CORIN: variants seen among roughly 807,000 people sequenced by gnomAD.
CORIN encodes corin, serine peptidase.
Under a neutral mutation model 125.3 loss-of-function variants are expected in CORIN, and 117 were observed. The observed-to-expected ratio is 0.93, with a 90% CI of 0.80 to 1.09. The LOEUF is 1.09. CORIN is among the 50% of genes least tolerant of loss of function. CORIN has a pLI of 0.00. For synonymous variants in CORIN, 450 were observed against 466.4 expected, an observed-to-expected ratio of 0.96 and a Z score of 0.45; for missense variants, 1,253 against 1,306.7, an observed-to-expected ratio of 0.96 and a Z score of 0.63.
At chr4:47,617,696 G>A (rs1008184543) in intron 19 of CORIN, among the ~76,000 whole-genome samples, 2 of 152,192 alleles carry the variant, frequency 1.3e-5, no homozygotes, top group Non-Finnish European at 2.9e-5. Flanking sequence ...CAAATCCTTA[G>A]AGTAGATGGA....
chr4:47,809,148 T>G (rs1219896701), intron 1 of CORIN, among the ~76,000 whole-genome samples: 1 of 152,206 alleles, frequency 6.6e-6, no homozygotes, highest in Non-Finnish European at 1.5e-5. Context: ...ATTTAACTTC[T>G]ACAACAGTGA....
chr4:47,622,723 G>C (rs1722371897), intron 19 of CORIN, among the ~76,000 whole-genome samples: 1 of 152,188 alleles, frequency 6.6e-6, no homozygotes. Flanking sequence ...GACCTCTCCA[G>C]CAAGAAGGAA....
intron 5 of CORIN, among the ~76,000 whole-genome samples, chr4:47,704,556 T>C (rs1726460605): frequency 6.6e-6 from 1 of 152,012 alleles, no homozygotes; most frequent in African/African-American, 2.4e-5. Context: ...ACAGAAAATA[T>C]CTGGCCTTAA....
rs1181816188 is a variant in CORIN, at chr4:47,668,951, A to G, written c.1358-3688T>C. ...AAAATACCTGTCAACCCCAAATTCT[A>G]TGATTTATGATATCAATAAGCTTTT... On this transcript the variant is annotated intron_variant, in intron 10 of 21. Coordinates refer to ENST00000273857, the MANE Select transcript of CORIN (RefSeq NM_006587.4). Among the ~76,000 whole-genome samples, 3 of 152,370 alleles carry G rather than the reference A, an allele frequency of 2.0e-5. 1 individual carries two copies. The highest frequency in any genetic ancestry group is 1.5e-5 in the Non-Finnish European group (1 of 68,034).
intron 4 of CORIN, among the ~76,000 whole-genome samples, chr4:47,753,843 T>C (rs7681031): frequency 0.055 from 8,325 of 152,202 alleles, 719 homozygotes; most frequent in African/African-American, 0.19. Context: ...ACATTCTCAG[T>C]TTAAGAAGAT....
At chr4:47,761,512 T>C (rs111321177) in intron 4 of CORIN, among the ~76,000 whole-genome samples, 11 of 148,970 alleles carry the variant, frequency 7.4e-5, no homozygotes, top group Admixed American at 2.7e-4. Flanking sequence ...CACACACATA[T>C]ACACAATGGA....
At chr4:47,761,973 TATATATATACACAC>T (rs1729482576) in intron 4 of CORIN, among the ~76,000 whole-genome samples, 2 of 151,974 alleles carry the variant, frequency 1.3e-5, no homozygotes, top group Non-Finnish European at 2.9e-5. Flanking sequence ...TCTAAGTGTG[TATATATATACACAC>T]AAATATATAC....
At chr4:47,615,869 C>T (rs1722052036) in intron 19 of CORIN, among the ~76,000 whole-genome samples, 1 of 152,092 alleles carries the variant, frequency 6.6e-6, no homozygotes, top group African/African-American at 2.4e-5. Context: ...AGGATTATAG[C>T]ATTAGGATGG....
chr4:47,745,812 A>G (rs1301346794), intron 4 of CORIN, among the ~76,000 whole-genome samples: 1 of 152,264 alleles, frequency 6.6e-6, no homozygotes, highest in African/African-American at 2.4e-5. Context: ...GGTCTGTAAA[A>G]TAATCTTAGG....
intron 2 of CORIN, among the ~76,000 whole-genome samples, chr4:47,803,258 A>G (rs1560556308): frequency 1.3e-5 from 2 of 152,270 alleles, no homozygotes. Context: ...AAGAATCAAT[A>G]TTGTTAACAT....
rs1721182138 is a variant in CORIN, at chr4:47,594,626, C to T, written c.*1095G>A. On this transcript the variant is annotated 3_prime_UTR_variant, in exon 22 of 22. Coordinates refer to ENST00000273857, the MANE Select transcript of CORIN (RefSeq NM_006587.4). ...ACTCCATGCAAAGTCTTACTGTGCTCTAAAATATGCTCTTTATGACTTTGT... is the reference window on the plus strand; with the variant it reads ...ACTCCATGCAAAGTCTTACTGTGCTTTAAAATATGCTCTTTATGACTTTGT... The T allele has an allele frequency of 6.6e-6, 1 of 152,022 alleles. No homozygotes were observed. The highest frequency in any genetic ancestry group is 6.6e-5 in the Admixed American group (1 of 15,226). 9.4% of individuals were successfully genotyped at this position (152,022 alleles called of 1,614,324 possible).
At chr4:47,780,146 T>C (rs1730474973) in intron 3 of CORIN, among the ~76,000 whole-genome samples, 1 of 151,996 alleles carries the variant, frequency 6.6e-6, no homozygotes, top group South Asian at 2.1e-4. Context: ...CTTGAAGTAT[T>C]CTTGGATGGG....
chr4:47,757,878 G>GTGTATATATATATA (rs754526773), intron 4 of CORIN, among the ~76,000 whole-genome samples: 2 of 123,926 alleles, frequency 1.6e-5, no homozygotes, highest in Admixed American at 8.3e-5. Context: ...ATATATATAT[G>GTGTATATATATATA]TATATATATA....
At chr4:47,789,910 T>C (rs1488893323) in intron 2 of CORIN, among the ~76,000 whole-genome samples, 2 of 152,004 alleles carry the variant, frequency 1.3e-5, no homozygotes, top group Non-Finnish European at 2.9e-5. Flanking sequence ...TAGTCCCAGC[T>C]ACTCGGGAGG....
At chr4:47,726,751 T>G (rs1338891140) in intron 5 of CORIN, among the ~76,000 whole-genome samples, 2 of 152,034 alleles carry the variant, frequency 1.3e-5, no homozygotes, top group African/African-American at 2.4e-5. Flanking sequence ...TAACTCTGAT[T>G]TGATGAATAA....
chr4:47,722,592 T>C (rs1014794155), intron 5 of CORIN, among the ~76,000 whole-genome samples: 3 of 152,214 alleles, frequency 2.0e-5, no homozygotes, highest in Non-Finnish European at 4.4e-5. Flanking sequence ...AAGGAAAATA[T>C]TTGAAGGACA....
intron 3 of CORIN, among the ~76,000 whole-genome samples, chr4:47,765,306 GT>G (rs1729675892): frequency 1.4e-5 from 2 of 140,586 alleles, no homozygotes; most frequent in Non-Finnish European, 3.1e-5. Context: ...GCGAGACTCC[GT>G]CCCCCAAAAA....
At chr4:47,788,178 A>T (rs1162938080) in intron 2 of CORIN, among the ~76,000 whole-genome samples, 2 of 152,210 alleles carry the variant, frequency 1.3e-5, no homozygotes, top group African/African-American at 4.8e-5. Context: ...TTTCTTTTCT[A>T]AAAGCATTTA....
At chr4:47,833,114 C>T (rs115369629) in intron 1 of CORIN, among the ~76,000 whole-genome samples, 1,426 of 132,846 alleles carry the variant, frequency 0.011, 21 homozygotes, top group African/African-American at 0.034. Flanking sequence ...AAAGCAATTA[C>T]GAGCAAGAAA....
Sources: allele counts gnomAD v4.1 joint callset (sites outside exome capture counted in the v4.1 genomes callset), GRCh38; gene constraint gnomAD v4.1.1; transcripts MANE v1.5; gene names NCBI Gene and HGNC (gene_info 2026-07-23, HGNC 2026-07-21).